Variants in NTM observed in about 807,000 individuals in gnomAD.
NTM encodes IgLON family member 2.
Under a neutral mutation model 42.1 loss-of-function variants are expected in NTM, and 13 were observed. That is an observed-to-expected ratio of 0.31 (90% CI 0.20 to 0.49). The LOEUF is 0.49. Among genes scored for constraint, NTM ranks in the 20% least tolerant of loss-of-function variants. The pLI is 0.99. For synonymous variants in NTM, 187 were observed against 179.2 expected, an observed-to-expected ratio of 1.04 and a Z score of -0.35; for missense variants, 373 against 452.8, an observed-to-expected ratio of 0.82 and a Z score of 1.60.
intron 2 of NTM, among the ~76,000 whole-genome samples, chr11:132,128,771 T>TA (rs1243028055): frequency 6.7e-6 from 1 of 149,828 alleles, no homozygotes; most frequent in African/African-American, 2.5e-5. Flanking sequence ...TAATAAAAAA[T>TA]AAAAAAATAA....
intron 1 of NTM, among the ~76,000 whole-genome samples, chr11:131,559,411 T>G (rs1048285798): frequency 6.6e-6 from 1 of 152,248 alleles, no homozygotes; most frequent in African/African-American, 2.4e-5. Flanking sequence ...TTTAAGAATA[T>G]GCTTTGCTTC....
At chr11:132,194,814 C>CTTTTTTTTTT (rs902871492) in intron 3 of NTM, among the ~76,000 whole-genome samples, 4 of 110,650 alleles carry the variant, frequency 3.6e-5, no homozygotes, top group South Asian at 3.3e-4. Flanking sequence ...GCATTTCTTC[C>CTTTTTTTTTT]TTTTTTTTTT....
intron 1 of NTM, among the ~76,000 whole-genome samples, chr11:131,464,696 G>C (rs1426566604): frequency 6.6e-6 from 1 of 152,200 alleles, no homozygotes; most frequent in Non-Finnish European, 1.5e-5. Flanking sequence ...GCAGTGCCCC[G>C]AGGGGCCAGG....
At chr11:132,037,282 C>T (rs1194975945) in intron 2 of NTM, among the ~76,000 whole-genome samples, 1 of 152,046 alleles carries the variant, frequency 6.6e-6, no homozygotes, top group Non-Finnish European at 1.5e-5. Flanking sequence ...TCCTCTCTCC[C>T]CTGTGATTTC....
chr11:131,954,493 A>G (rs2061359568), intron 2 of NTM, among the ~76,000 whole-genome samples: 1 of 152,208 alleles, frequency 6.6e-6, no homozygotes, highest in African/African-American at 2.4e-5. Flanking sequence ...CAGGTTCCTC[A>G]GGGCTCCCGA....
chr11:131,527,225 G>A (rs773027196), intron 1 of NTM, among the ~76,000 whole-genome samples: 6 of 151,954 alleles, frequency 3.9e-5, no homozygotes, highest in Non-Finnish European at 8.8e-5. Context: ...CATTCCCTTG[G>A]GTCTCCTTAT....
At chr11:131,999,493 A>G (rs547642768) in intron 2 of NTM, among the ~76,000 whole-genome samples, 1 of 152,346 alleles carries the variant, frequency 6.6e-6, no homozygotes, top group Middle Eastern at 3.4e-3. Flanking sequence ...CATTAGCCTG[A>G]GAAATAAGAC....
At chr11:132,187,210 A>T (rs2078552256) in intron 3 of NTM, among the ~76,000 whole-genome samples, 1 of 122,050 alleles carries the variant, frequency 8.2e-6, no homozygotes, top group Non-Finnish European at 1.6e-5. Context: ...GGTTGCTCAG[A>T]TGGCGTGTGT....
intron 4 of NTM, among the ~76,000 whole-genome samples, chr11:132,245,325 C>T (rs1386774897): frequency 6.6e-6 from 1 of 152,026 alleles, no homozygotes; most frequent in Non-Finnish European, 1.5e-5. Flanking sequence ...AAAAAGCATT[C>T]AGACGGGAGG....
At chr11:131,862,968 T>C (rs1005577483) in intron 1 of NTM, among the ~76,000 whole-genome samples, 9 of 152,298 alleles carry the variant, frequency 5.9e-5, no homozygotes, top group Admixed American at 1.3e-4. Context: ...GCTTATCCTG[T>C]CTAAAACGAG....
chr11:132,281,810 G>C (rs1371331345), intron 4 of NTM, among the ~76,000 whole-genome samples: 1 of 152,164 alleles, frequency 6.6e-6, no homozygotes, highest in East Asian at 1.9e-4. Flanking sequence ...TCACAGTTAT[G>C]AGTACTATCA....
intron 1 of NTM, among the ~76,000 whole-genome samples, chr11:131,571,912 G>T (rs947894623): frequency 7.9e-5 from 12 of 152,218 alleles, no homozygotes; most frequent in African/African-American, 2.9e-4. Flanking sequence ...AGTGAAATCT[G>T]TCTTCCAAGA....
chr11:132,257,019 TC>T (rs1163716501), intron 4 of NTM, among the ~76,000 whole-genome samples: 2 of 152,140 alleles, frequency 1.3e-5, no homozygotes, highest in African/African-American at 4.8e-5. Context: ...GGGCCCTGCC[TC>T]CCCAGGTCTG....
intron 3 of NTM, among the ~76,000 whole-genome samples, chr11:132,197,405 C>T (rs1183690960): frequency 6.6e-6 from 1 of 151,428 alleles, no homozygotes; most frequent in Non-Finnish European, 1.5e-5. Flanking sequence ...TTTAACATGT[C>T]CTGAGTACTA....
intron 1 of NTM, among the ~76,000 whole-genome samples, chr11:131,400,948 G>A (rs1945064813): frequency 6.7e-6 from 1 of 149,308 alleles, no homozygotes; most frequent in African/African-American, 2.5e-5. Context: ...AACTTCTTCA[G>A]CAATACCTTC....
chr11:132,045,441 C>G (rs905277952), intron 2 of NTM, among the ~76,000 whole-genome samples: 1 of 152,150 alleles, frequency 6.6e-6, no homozygotes, highest in Non-Finnish European at 1.5e-5. Context: ...ATTGATTATT[C>G]TACATGTAGA....
chr11:131,733,562 C>T (rs1159942073), intron 1 of NTM, among the ~76,000 whole-genome samples: 1 of 151,162 alleles, frequency 6.6e-6, no homozygotes, highest in African/African-American at 2.4e-5. Context: ...GAGTCTCACT[C>T]GGTCACCCAG....
chr11:131,999,647 G>T (rs1346088810), intron 2 of NTM, among the ~76,000 whole-genome samples: 1 of 152,178 alleles, frequency 6.6e-6, no homozygotes, highest in African/African-American at 2.4e-5. Context: ...GGAGAAAACA[G>T]GTTCTCTTCT....
At chr11:131,592,385 C>T (rs2059434664) in intron 1 of NTM, among the ~76,000 whole-genome samples, 1 of 152,128 alleles carries the variant, frequency 6.6e-6, no homozygotes, top group Admixed American at 6.5e-5. Flanking sequence ...TCCACGAAGT[C>T]TAGCCCAGGG....
Sources: gnomAD v4.1 joint callset for allele counts (sites outside exome capture counted in the v4.1 genomes callset) on GRCh38, gnomAD v4.1.1 for gene constraint, MANE v1.5 for transcripts, NCBI Gene and HGNC (gene_info 2026-07-23, HGNC 2026-07-21) for gene names.